Variants in CDNF observed in about 807,000 individuals in gnomAD.
CDNF encodes the protein ARMET-like protein 1.
A neutral mutation model predicts 14.8 loss-of-function variants in CDNF; 9 were observed. The observed-to-expected ratio is 0.61, with a 90% CI of 0.37 to 1.06. CDNF has a LOEUF of 1.06. CDNF is among the 50% of genes least tolerant of loss of function. The pLI is 0.01. For missense variants in CDNF, 228 were observed against 228.4 expected, an observed-to-expected ratio of 1.00 and a Z score of 0.01; for synonymous variants, 86 against 87.2, an observed-to-expected ratio of 0.99 and a Z score of 0.07.
At chr10:14,823,030 C>A (rs555413667) in intron 3 of CDNF, among the ~76,000 whole-genome samples, 2 of 152,288 alleles carry the variant, frequency 1.3e-5, no homozygotes, top group East Asian at 1.9e-4. Context: ...CATGGCTGAT[C>A]TGACAGAATA....
intron 1 of CDNF, among the ~76,000 whole-genome samples, chr10:14,831,579 TA>T (rs1248368110): frequency 6.0e-5 from 9 of 150,876 alleles, no homozygotes; most frequent in South Asian, 2.1e-4. Context: ...TATATATATA[TA>T]TATTTTTTTT....
intron 2 of CDNF, among the ~76,000 whole-genome samples, chr10:14,826,064 G>T (rs1473073463): frequency 7.2e-6 from 1 of 138,716 alleles, no homozygotes; most frequent in African/African-American, 2.9e-5. Context: ...AGAAGAAGAA[G>T]AAGAAGAAGA....
intron 1 of CDNF, 63 bp downstream of exon 1, chr10:14,837,769 G>A (rs1833905797): frequency 5.0e-6 from 5 of 1,009,750 alleles, no homozygotes; most frequent in Non-Finnish European, 7.3e-6. Context: ...AGAAGCCAAA[G>A]CCGACAGCTG....
intron 1 of CDNF, among the ~76,000 whole-genome samples, chr10:14,835,608 C>G (rs1833879704): frequency 6.6e-6 from 1 of 152,026 alleles, no homozygotes; most frequent in South Asian, 2.1e-4. Flanking sequence ...AGCCATACTT[C>G]TTTTATTTAT....
chr10:14,822,233 C>A (rs1358622538), intron 3 of CDNF, among the ~76,000 whole-genome samples: 1 of 152,160 alleles, frequency 6.6e-6, no homozygotes, highest in African/African-American at 2.4e-5. Context: ...CAACATCTAA[C>A]CTCCTCTAGC....
intron 1 of CDNF, among the ~76,000 whole-genome samples, chr10:14,834,037 A>G (rs912207983): frequency 3.3e-5 from 5 of 152,314 alleles, no homozygotes; most frequent in Non-Finnish European, 4.4e-5. Flanking sequence ...TTAATGCTAC[A>G]AGTCAGCAGA....
chr10:14,821,717 G>A (rs952703682), intron 3 of CDNF, among the ~76,000 whole-genome samples: 1 of 152,164 alleles, frequency 6.6e-6, no homozygotes, highest in Non-Finnish European at 1.5e-5. Context: ...CCTATGTAGT[G>A]CCACAATGTT....
At chr10:14,820,637 G>A (rs1833730325) in intron 3 of CDNF, among the ~76,000 whole-genome samples, 1 of 152,136 alleles carries the variant, frequency 6.6e-6, no homozygotes, top group Non-Finnish European at 1.5e-5. Flanking sequence ...GGAGGCTGCG[G>A]CGGGAGAATT....
intron 2 of CDNF, 65 bp from the exon 3 acceptor site, chr10:14,825,685 T>A: frequency 6.5e-7 from 1 of 1,529,410 alleles, no homozygotes; most frequent in Non-Finnish European, 9.0e-7. Context: ...ATTCCAGTAA[T>A]GAAGGAATAC....
At chr10:14,823,734 C>G (rs1003938449) in intron 3 of CDNF, among the ~76,000 whole-genome samples, 3 of 152,126 alleles carry the variant, frequency 2.0e-5, no homozygotes, top group African/African-American at 7.2e-5. Flanking sequence ...ACCATGTTGC[C>G]CAGGTTGGTC....
At chr10:14,820,811 C>G (rs775687135) in intron 3 of CDNF, among the ~76,000 whole-genome samples, 3 of 152,096 alleles carry the variant, frequency 2.0e-5, no homozygotes, top group Non-Finnish European at 4.4e-5. Flanking sequence ...TCAAATCTCA[C>G]GAGGAATTGT....
chr10:14,825,174 A>C (rs1588794213), intron 3 of CDNF, among the ~76,000 whole-genome samples: 2 of 52 alleles, frequency 0.038, no homozygotes, highest in East Asian at 0.33. Context: ...CCAGGCTGGT[A>C]CTTGAACTCC....
At chr10:14,837,299 G>A (rs1833900413) in intron 1 of CDNF, among the ~76,000 whole-genome samples, 1 of 152,178 alleles carries the variant, frequency 6.6e-6, no homozygotes. Flanking sequence ...GAACAAAAAG[G>A]AACCACTCTT....
intron 3 of CDNF, among the ~76,000 whole-genome samples, chr10:14,823,206 A>ATTTTTT (rs1358064505): frequency 6.6e-6 from 1 of 152,188 alleles, no homozygotes; most frequent in Non-Finnish European, 1.5e-5. Context: ...TTTTTTGTAA[A>ATTTTTT]TGTCAGTAGT....
At chr10:14,833,350 C>G (rs1185067080) in intron 1 of CDNF, among the ~76,000 whole-genome samples, 2 of 152,136 alleles carry the variant, frequency 1.3e-5, no homozygotes, top group African/African-American at 2.4e-5. Flanking sequence ...GCCTTCCTGA[C>G]GAAGAGGGAA....
intron 1 of CDNF, among the ~76,000 whole-genome samples, chr10:14,836,927 C>G (rs1287259053): frequency 1.3e-5 from 2 of 152,014 alleles, no homozygotes; most frequent in Non-Finnish European, 2.9e-5. Flanking sequence ...GAGACTGTCT[C>G]AAAACAAAAA....
intron 1 of CDNF, among the ~76,000 whole-genome samples, chr10:14,831,910 G>T (rs576661473): frequency 6.6e-6 from 1 of 152,176 alleles, no homozygotes; most frequent in East Asian, 1.9e-4. Context: ...AACATGAACA[G>T]AATACTAAAC....
chr10:14,826,052 GAA>G, intron 2 of CDNF, among the ~76,000 whole-genome samples: 1 of 129,816 alleles, frequency 7.7e-6, no homozygotes, highest in Non-Finnish European at 1.6e-5. Context: ...AGAAGAAGAA[GAA>G]GAAGAAGAAG....
rs775634708 is a variant in CDNF, at chr10:14,828,127, A to C, written c.243+18T>G. 1.2e-6 allele frequency: 2 copies of C among 1,611,948 alleles called. No homozygotes were observed. On this transcript the variant is annotated intron_variant, in intron 2 of 3. Transcript: ENST00000465530. The stretch of plus-strand genomic sequence containing the variant: ...TCTTCAAGCACATGGGGAAAATGAA[A>C]GGTGAAATTTACTATACCAGGCGGT...
Sources: gnomAD v4.1 joint callset for allele counts (sites outside exome capture counted in the v4.1 genomes callset) on GRCh38, gnomAD v4.1.1 for gene constraint, MANE v1.5 for transcripts, NCBI Gene and HGNC (gene_info 2026-07-23, HGNC 2026-07-21) for gene names.